Variants in SPTB observed in about 807,000 individuals in gnomAD.
SPTB encodes the protein spectrin beta, erythrocytic, also known as spectrin beta chain, erythrocytic.
A neutral mutation model predicts 256.2 loss-of-function variants in SPTB; 45 were observed. The observed-to-expected ratio is 0.18, with a 90% CI of 0.14 to 0.23. The LOEUF is 0.23. Ranked by LOEUF, SPTB falls within the 10% of genes least tolerant of loss-of-function variation. The probability of loss-of-function intolerance (pLI) is 1.00; values close to 1 mark genes in which losing one functional copy is unlikely to be tolerated. For synonymous variants in SPTB, 1,231 were observed against 1,243.1 expected, an observed-to-expected ratio of 0.99 and a Z score of 0.21; for missense variants, 2,715 against 3,040.4, an observed-to-expected ratio of 0.89 and a Z score of 2.52.
intron 1 of SPTB, among the ~76,000 whole-genome samples, chr14:64,860,098 C>A (rs1280766704): frequency 6.6e-6 from 1 of 152,122 alleles, no homozygotes; most frequent in Non-Finnish European, 1.5e-5. Context: ...TCTGACCTTC[C>A]CAAAAATAGT....
chr14:64,878,275 T>C (rs1391451296), intron 1 of SPTB, among the ~76,000 whole-genome samples: 2 of 152,190 alleles, frequency 1.3e-5, no homozygotes, highest in Admixed American at 1.3e-4. Context: ...GCTGGTGGGC[T>C]CTTCTTCAAT....
Position 64,753,551 on chromosome 14 carries a change from CTTG to C in SPTB, c.6585_6587del (p.Asn2195del). The stretch of plus-strand genomic sequence containing the variant: ...CCCGCACTCACCTGTTGGAAGCCTT[CTTG>C]TTGGGCCCCTCCAGGTCATGCTTGC... On this transcript the variant is annotated inframe_deletion, in exon 33 of 36. Transcript: ENST00000644917. 1 of 1,613,530 alleles carries C rather than the reference CTTG, an allele frequency of 6.2e-7. No individual in the cohort carries two copies. The highest frequency in any genetic ancestry group is 8.5e-7 in the Non-Finnish European group (1 of 1,180,006).
rs3215645 is a variant in SPTB, at chr14:64,796,872, C to CT, written c.1183-158dup. On this transcript the variant is annotated intron_variant, in intron 10 of 35. Coordinates refer to ENST00000644917, the MANE Select transcript of SPTB (RefSeq NM_001355436.2). The surrounding 1 kb of genome is among the most constrained non-coding windows in gnomAD (Gnocchi z 4.1). ...TAGCAGATTAAAGATCAATAAAAGC[C>CT]TTTGGCTTTCATGTCTGGGCCCATC... 0.44 allele frequency among the ~76,000 whole-genome samples: 66,544 copies of CT among 151,906 alleles called. 15,911 individuals carry two copies. The highest frequency in any genetic ancestry group is 0.64 in the African/African-American group (26,575 of 41,394).
rs2081919182 is a variant in SPTB at position 64,749,960 on chromosome 14, C to T, written c.6776+21G>A. 3.1e-6 allele frequency: 5 copies of T among 1,614,108 alleles called. No individual in the cohort carries two copies. The highest frequency in any genetic ancestry group is 4.2e-6 in the Non-Finnish European group (5 of 1,180,058). On this transcript the variant is annotated intron_variant, in intron 34 of 35. Coordinates refer to ENST00000644917, the MANE Select transcript of SPTB (RefSeq NM_001355436.2). The surrounding 1 kb of genome is among the most constrained non-coding windows in gnomAD (Gnocchi z 4.7). ...AAATCAAGCCATCAACCCGAGCTTTCAAAGGCCAGGAAGGCCTCACCTCAG... is the reference window on the plus strand; with the variant it reads ...AAATCAAGCCATCAACCCGAGCTTTTAAAGGCCAGGAAGGCCTCACCTCAG...
At chr14:64,830,645 T>G (rs940975589) in intron 1 of SPTB, among the ~76,000 whole-genome samples, 1 of 152,182 alleles carries the variant, frequency 6.6e-6, no homozygotes, top group African/African-American at 2.4e-5. Flanking sequence ...TCTACTTCAC[T>G]CAGGCCCTCA....
At position 64,787,016 on chromosome 14, in the gene SPTB, C is replaced by T; in HGVS notation, c.2949G>A (p.Leu983=). 6.2e-7 allele frequency: 1 copy of T among 1,614,152 alleles called. No individual in the cohort carries two copies. The highest frequency in any genetic ancestry group is 8.5e-7 in the Non-Finnish European group (1 of 1,180,028). ...CGATGATACCTGCCAGGTCCCGCCC[C>T]AGGTCTTTTGTGGACTCCACTACCT... ...KTKVVESTKD[L]GRDLAGIIAI... is the part of the protein sequence containing the mutation. Residue 983 remains leucine, a synonymous_variant, in exon 16 of 36, where the codon CTG becomes CTA. Transcript: ENST00000644917.
chr14:64,762,095 T>C (rs1410911229), intron 32 of SPTB, among the ~76,000 whole-genome samples: 1 of 152,066 alleles, frequency 6.6e-6, no homozygotes, highest in Non-Finnish European at 1.5e-5. Flanking sequence ...GGCAGGTTTC[T>C]CCAGGGAGCC....
chr14:64,801,913 A>G, intron 5 of SPTB, 79 bp from the exon 6 acceptor site: 1 of 1,362,764 alleles, frequency 7.3e-7, no homozygotes, highest in Non-Finnish European at 1.1e-6. Context: ...GAGGGCCAAT[A>G]TACCAGGAGA....
chr14:64,787,101 C>A lies in SPTB; in HGVS notation c.2864G>T (p.Arg955Leu). 1 of 1,609,548 alleles carries A rather than the reference C, an allele frequency of 6.2e-7. No individual in the cohort carries two copies. Among genetic ancestry groups the A allele is most frequent in the African/African-American group, 1.3e-5 (1 of 75,010 alleles). The change falls in exon 16 of 36, where the codon CGA becomes CTA. Residue 955 changes from arginine (R) to leucine (L), a missense_variant. Arg to Leu is a moderately radical substitution (Grantham distance 102, BLOSUM62 -2). Around this residue, in one of 4 missense-constraint regions of SPTB, gnomAD observed 2,239 missense variants for 2,384.4 expected, o/e 0.94. Coordinates refer to ENST00000644917, the MANE Select transcript of SPTB (RefSeq NM_001355436.2). The stretch of plus-strand genomic sequence containing the variant: ...GCAATCTACGCAGTAGTTGTGCACT[C>A]GGAGGGCTGAGTCCACAGCCTCCCG... ...ERREAVDSAL[R>L]VHNYCVDCEE...
intron 1 of SPTB, among the ~76,000 whole-genome samples, chr14:64,858,285 A>G (rs435335): frequency 0.93 from 142,090 of 152,238 alleles, 66,911 homozygotes; most frequent in Non-Finnish European, 0.97. Context: ...AGGCTGCTGC[A>G]GCAGCGGTGT....
chr14:64,871,052 C>T lies in SPTB; in HGVS notation c.-52+8740G>A, dbSNP rs180695362. On this transcript the variant is annotated intron_variant, in intron 1 of 35. Coordinates refer to ENST00000644917, the MANE Select transcript of SPTB (RefSeq NM_001355436.2). ...TGCTTATGCCACTGAACTGTATGTA[C>T]ACTTAAAAATGGTTAAAATGGTAAA... Among the ~76,000 whole-genome samples, 4 of 152,286 alleles carry T rather than the reference C, an allele frequency of 2.6e-5. No individual in the cohort carries two copies. The East Asian group carries it at 7.7e-4, about 29-fold the overall frequency.
intron 1 of SPTB, among the ~76,000 whole-genome samples, chr14:64,875,913 T>A (rs1387143037): frequency 2.6e-5 from 4 of 152,210 alleles, no homozygotes; most frequent in African/African-American, 7.2e-5. Context: ...GTTATTTTTT[T>A]AAATTCTATA....
At chr14:64,830,014 C>A (rs1323729291) in intron 1 of SPTB, among the ~76,000 whole-genome samples, 3 of 152,154 alleles carry the variant, frequency 2.0e-5, no homozygotes, top group African/African-American at 7.2e-5. Context: ...CCTCAGATCT[C>A]TTCTCAGATG....
rs767221497 is a variant in SPTB at position 64,772,697 on chromosome 14, G to A, written c.5436C>T (p.Leu1812=). The A allele has an allele frequency of 1.2e-6, 2 of 1,613,860 alleles. No individual in the cohort carries two copies. The highest frequency in any genetic ancestry group is 1.7e-6 in the Non-Finnish European group (2 of 1,179,982). Residue 1812 remains leucine, a synonymous_variant, in exon 26 of 36, where the codon CTC becomes CTT. Transcript: ENST00000644917. This position sits in a 1 kb window ranked among gnomAD's most constrained non-coding sequence, Gnocchi z 5.4. ...GCAGCTCGCGGTGCTTCTCGTCGAT[G>A]AGGCCCAGGATCTCGGCACCCGTGT... is the stretch of plus-strand genomic sequence containing the variant. ...YFYTGAEILG[L]IDEKHRELPE...
Position 64,823,798 on chromosome 14 carries a change from G to A in SPTB, c.-51-653C>T, listed in dbSNP as rs2083335721. The stretch of plus-strand genomic sequence containing the variant: ...GACCTCGCATTTTAGGGCTTCTTTG[G>A]AGCATGACCAGGTGCTCAGATGAGG... On this transcript the variant is annotated intron_variant, in intron 1 of 35. Coordinates refer to ENST00000644917, the MANE Select transcript of SPTB (RefSeq NM_001355436.2). The surrounding 1 kb of genome is among the most constrained non-coding windows in gnomAD (Gnocchi z 6.5). Among the ~76,000 whole-genome samples the A allele has an allele frequency of 6.6e-6, 1 of 152,136 alleles. No homozygotes were observed.
In SPTB at chr14:64,767,648, C is replaced by G. The variant is rs764401458; in HGVS notation, c.6219+15G>C. 1 of 1,613,736 alleles carries G rather than the reference C, an allele frequency of 6.2e-7. No homozygotes were observed. The highest frequency in any genetic ancestry group is 8.5e-7 in the Non-Finnish European group (1 of 1,180,028). On this transcript the variant is annotated intron_variant, in intron 30 of 35. Coordinates refer to ENST00000644917, the MANE Select transcript of SPTB (RefSeq NM_001355436.2). Reference sequence around the variant, plus strand: ...TGCCACCCTCCTGAGCCTCCCAGCACTGTTCCCTGCTCACCGTGGTGGGCT... The same window carrying G: ...TGCCACCCTCCTGAGCCTCCCAGCAGTGTTCCCTGCTCACCGTGGTGGGCT...
Position 64,749,919 on chromosome 14 carries a change from C to T in SPTB, c.6776+62G>A. 1 of 1,609,132 alleles carries T rather than the reference C, an allele frequency of 6.2e-7. No homozygotes were observed. The highest frequency in any genetic ancestry group is 1.1e-5 in the South Asian group (1 of 90,878). On this transcript the variant is annotated intron_variant, in intron 34 of 35. Transcript: ENST00000644917. This position sits in a 1 kb window ranked among gnomAD's most constrained non-coding sequence, Gnocchi z 4.7. ...ACTGGTCCCCTACAGAGGGCCTCTG[C>T]CCTGCCACTAATGCCAAATCAAGCC...
intron 1 of SPTB, among the ~76,000 whole-genome samples, chr14:64,831,240 C>A (rs1035224504): frequency 2.0e-5 from 3 of 152,200 alleles, no homozygotes; most frequent in Non-Finnish European, 4.4e-5. Flanking sequence ...TCCTGCTGCC[C>A]ATTCCTCAAA....
intron 1 of SPTB, among the ~76,000 whole-genome samples, chr14:64,830,206 C>T (rs1054470025): frequency 6.6e-6 from 1 of 151,644 alleles, no homozygotes; most frequent in Non-Finnish European, 1.5e-5. Context: ...CCACAGGCTC[C>T]TTATAGGCAT....
Sources: gnomAD v4.1 joint callset for allele counts (sites outside exome capture counted in the v4.1 genomes callset) on GRCh38, gnomAD v4.1.1 for gene constraint, gnomAD v4.1.1 regional missense constraint, Gnocchi (gnomAD v3.1) non-coding constraint, MANE v1.5 for transcripts, NCBI Gene and HGNC (gene_info 2026-07-23, HGNC 2026-07-21) for gene names.